NR3C2: variants seen among roughly 807,000 people sequenced by gnomAD.
NR3C2 encodes the protein nuclear receptor subfamily 3 group C member 2.
Under a neutral mutation model 86.4 loss-of-function variants are expected in NR3C2, and 15 were observed. That is an observed-to-expected ratio of 0.17 (90% CI 0.12 to 0.27). NR3C2 has a LOEUF of 0.27. NR3C2 is among the 10% of genes least tolerant of loss of function. The pLI, the probability that NR3C2 is intolerant of heterozygous loss-of-function variation, is 1.00. For missense variants in NR3C2, 960 were observed against 1,195.6 expected, an observed-to-expected ratio of 0.80 and a Z score of 2.91; for synonymous variants, 458 against 450.5, an observed-to-expected ratio of 1.02 and a Z score of -0.21.
intron 4 of NR3C2, among the ~76,000 whole-genome samples, chr4:148,193,727 A>C (rs1736310895): frequency 6.6e-6 from 1 of 152,186 alleles, no homozygotes; most frequent in South Asian, 2.1e-4. Context: ...TGGGATTTGG[A>C]AAGGTCTTCT....
intron 2 of NR3C2, among the ~76,000 whole-genome samples, chr4:148,373,019 C>A (rs1746494794): frequency 6.6e-6 from 1 of 152,104 alleles, no homozygotes; most frequent in African/African-American, 2.4e-5. Flanking sequence ...TAGAGTAAAC[C>A]AACACTTTAT....
Position 148,186,996 on chromosome 4 carries a change from G to GTATATATA in NR3C2, c.2014+7742_2014+7749dup, listed in dbSNP as rs1162757665. On this transcript the variant is annotated intron_variant, in intron 4 of 8. Coordinates refer to ENST00000358102, the MANE Select transcript of NR3C2 (RefSeq NM_000901.5). Reference sequence around the variant, plus strand: ...CCATCATACTGATGTGTGTATGTATGTATATATATATATATATATATATAT... The same window carrying GTATATATA: ...CCATCATACTGATGTGTGTATGTATGTATATATATATATATATATATATATATATATAT... 3.9e-3 allele frequency among the ~76,000 whole-genome samples: 107 copies of GTATATATA among 27,120 alleles called. 3 individuals are homozygous for GTATATATA. Among genetic ancestry groups the GTATATATA allele is most frequent in the East Asian group, 0.013 (5 of 400 alleles). 17.8% of individuals were successfully genotyped at this position (27,120 alleles called of 152,430 possible).
rs61761546 is a variant in NR3C2 at position 148,358,092 on chromosome 4, A to C, written c.1757+77012T>G. On this transcript the variant is annotated intron_variant, in intron 2 of 8. Coordinates refer to ENST00000358102, the MANE Select transcript of NR3C2 (RefSeq NM_000901.5). ...TCCTCAGGGATCTAGAACTAGAAAT[A>C]CCATTTGACCCAGCCATCCCATTAC... 3.2e-3 allele frequency among the ~76,000 whole-genome samples: 483 copies of C among 152,208 alleles called. 2 individuals are homozygous for C. The highest frequency in any genetic ancestry group is 5.3e-3 in the Non-Finnish European group (362 of 68,018).
intron 6 of NR3C2, among the ~76,000 whole-genome samples, chr4:148,143,947 CAAAAA>C (rs67177081): frequency 4.7e-5 from 3 of 64,422 alleles, no homozygotes; most frequent in Non-Finnish European, 8.0e-5. Context: ...AACTCTGTCT[CAAAAA>C]AAAAAAAAAA....
chr4:148,115,298 G>A (rs1157959844), intron 7 of NR3C2, among the ~76,000 whole-genome samples: 1 of 152,150 alleles, frequency 6.6e-6, no homozygotes, highest in Non-Finnish European at 1.5e-5. Context: ...ATTTGTGAAC[G>A]TACTTTATTA....
At chr4:148,266,718 T>C (rs1740413522) in intron 2 of NR3C2, among the ~76,000 whole-genome samples, 1 of 152,096 alleles carries the variant, frequency 6.6e-6, no homozygotes, top group African/African-American at 2.4e-5. Context: ...ACTGTGACTG[T>C]TGGGTGGAGA....
At chr4:148,334,898 G>T (rs943768617) in intron 2 of NR3C2, among the ~76,000 whole-genome samples, 1 of 152,174 alleles carries the variant, frequency 6.6e-6, no homozygotes, top group African/African-American at 2.4e-5. Flanking sequence ...CGCTTCTGGT[G>T]TTCTGTGGCA....
chr4:148,222,716 C>A (rs1337851257), intron 3 of NR3C2, among the ~76,000 whole-genome samples: 1 of 152,092 alleles, frequency 6.6e-6, no homozygotes, highest in East Asian at 1.9e-4. Flanking sequence ...AAGTTTACAC[C>A]TTGCCATTTG....
At chr4:148,214,131 G>T (rs192958980) in intron 3 of NR3C2, among the ~76,000 whole-genome samples, 2 of 152,252 alleles carry the variant, frequency 1.3e-5, no homozygotes, top group East Asian at 1.9e-4. Flanking sequence ...CTTCTTAGGG[G>T]TCTATTTCCA....
intron 3 of NR3C2, among the ~76,000 whole-genome samples, chr4:148,223,104 A>G (rs1431210737): frequency 6.6e-6 from 1 of 152,182 alleles, no homozygotes; most frequent in Non-Finnish European, 1.5e-5. Context: ...GAATAGATGA[A>G]TAAAAAGGAC....
At chr4:148,170,245 T>C (rs1735061203) in intron 4 of NR3C2, among the ~76,000 whole-genome samples, 1 of 152,118 alleles carries the variant, frequency 6.6e-6, no homozygotes, top group African/African-American at 2.4e-5. Flanking sequence ...TCACCCCTGG[T>C]TGAGATTCAC....
chr4:148,126,817 T>C (rs1430081805), intron 6 of NR3C2, among the ~76,000 whole-genome samples: 3 of 152,242 alleles, frequency 2.0e-5, no homozygotes, highest in Admixed American at 6.5e-5. Context: ...GCTAAATTTC[T>C]TCTTGCTAAA....
At chr4:148,254,400 T>G (rs1052061324) in intron 3 of NR3C2, among the ~76,000 whole-genome samples, 1 of 152,200 alleles carries the variant, frequency 6.6e-6, no homozygotes, top group African/African-American at 2.4e-5. Flanking sequence ...CAACAGTCTG[T>G]TCTTAAGGTC....
intron 5 of NR3C2, among the ~76,000 whole-genome samples, chr4:148,153,419 C>G (rs1734196452): frequency 6.6e-6 from 1 of 152,302 alleles, no homozygotes; most frequent in African/African-American, 2.4e-5. Flanking sequence ...CTCAAGTGAT[C>G]TGCTTGCCTC....
chr4:148,088,865 G>A (rs1270019899), intron 8 of NR3C2, among the ~76,000 whole-genome samples: 2 of 152,112 alleles, frequency 1.3e-5, no homozygotes, highest in African/African-American at 4.8e-5. Context: ...CACAGCAAGA[G>A]CACTGCTATT....
At chr4:148,192,385 T>C (rs899892110) in intron 4 of NR3C2, among the ~76,000 whole-genome samples, 2 of 152,124 alleles carry the variant, frequency 1.3e-5, no homozygotes, top group Non-Finnish European at 2.9e-5. Context: ...GTGGAGGTGG[T>C]GAAGGGTGCA....
chr4:148,435,313 C>T lies in NR3C2; in HGVS notation c.1548G>A (p.Val516=), dbSNP rs1326911385. 7 of 1,614,058 alleles carry T rather than the reference C, an allele frequency of 4.3e-6. No individual in the cohort carries two copies. Among genetic ancestry groups the T allele is most frequent in the African/African-American group, 1.3e-5 (1 of 74,912 alleles). ...AGTGGAAGGACTGTCCACCTGAATT[C>T]ACCCCAACAATAGCAGAGGAAGGGA... is the stretch of plus-strand genomic sequence containing the variant. ...ASIPSSAIVG[V]NSGGQSFHYR... The change falls in exon 2 of 9, where the codon GTG becomes GTA. Residue 516 remains valine, a synonymous_variant. Coordinates refer to ENST00000358102, the MANE Select transcript of NR3C2 (RefSeq NM_000901.5).
intron 2 of NR3C2, among the ~76,000 whole-genome samples, chr4:148,338,863 A>C (rs1744618294): frequency 2.0e-5 from 3 of 152,340 alleles, no homozygotes; most frequent in African/African-American, 7.2e-5. Context: ...AACACATCTC[A>C]GGGCCAAATC....
At chr4:148,433,807 AAC>A (rs1462297741) in intron 2 of NR3C2, among the ~76,000 whole-genome samples, 27 of 152,190 alleles carry the variant, frequency 1.8e-4, no homozygotes, top group African/African-American at 6.5e-4. Context: ...CTAGCAGTAA[AAC>A]ACATGCTCAA....
Sources: allele counts gnomAD v4.1 joint callset (sites outside exome capture counted in the v4.1 genomes callset), GRCh38; gene constraint gnomAD v4.1.1; transcripts MANE v1.5; gene names NCBI Gene and HGNC (gene_info 2026-07-23, HGNC 2026-07-21).